The following BAIAP2L1 variants were observed in gnomAD, a reference collection of about 807,000 sequenced individuals.
BAIAP2L1 encodes BAR/IMD domain containing adaptor protein 2 like 1.
A neutral mutation model predicts 66.3 loss-of-function variants in BAIAP2L1; 35 were observed. The ratio of observed to expected loss-of-function variants is 0.53; its 90% CI spans 0.40 to 0.70. BAIAP2L1 has a LOEUF of 0.70. BAIAP2L1 is among the 30% of genes least tolerant of loss of function. The pLI is 0.00. For synonymous variants in BAIAP2L1, 269 were observed against 248.7 expected (o/e 1.08, Z -0.77); for missense variants, 622 against 656.9 (o/e 0.95, Z 0.58).
At position 98,304,288 on chromosome 7, in the gene BAIAP2L1, A is replaced by T; in HGVS notation, c.1330T>A (p.Ser444Thr). 6.2e-7 allele frequency: 1 copy of T among 1,613,676 alleles called. No individual in the cohort carries two copies. Among genetic ancestry groups the T allele is most frequent in the Non-Finnish European group, 8.5e-7 (1 of 1,179,788 alleles). ...IPPPDYLECLSMGAAADRRAD... is the reference protein window; with the variant it reads ...IPPPDYLECLTMGAAADRRAD... ...CTCCTGTCGGCAGCTGCCCCCATGGACAAGCATTCCAAGTAGTCGGGTGGG... is the reference window on the plus strand; with the variant it reads ...CTCCTGTCGGCAGCTGCCCCCATGGTCAAGCATTCCAAGTAGTCGGGTGGG... Residue 444 changes from serine (S) to threonine (T), a missense_variant, in exon 12 of 14, where the codon TCC (serine) becomes ACC (threonine). Coordinates refer to ENST00000005260, the MANE Select transcript of BAIAP2L1 (RefSeq NM_018842.5).
intron 3 of BAIAP2L1, among the ~76,000 whole-genome samples, chr7:98,341,515 C>A (rs1227430426): frequency 6.6e-6 from 1 of 152,022 alleles, no homozygotes; most frequent in Non-Finnish European, 1.5e-5. Flanking sequence ...AGACCCCCAT[C>A]TCTAAAAAAA....
chr7:98,370,647 G>A (rs1219609067), intron 1 of BAIAP2L1, among the ~76,000 whole-genome samples: 6 of 151,566 alleles, frequency 4.0e-5, no homozygotes, highest in Admixed American at 2.6e-4. Flanking sequence ...GACTACAGGC[G>A]CCCGCCACCA....
chr7:98,395,843 C>A (rs1240484077), intron 1 of BAIAP2L1, among the ~76,000 whole-genome samples: 1 of 151,984 alleles, frequency 6.6e-6, no homozygotes, highest in East Asian at 1.9e-4. Context: ...CCAGCCTGGG[C>A]AACACAGTGA....
chr7:98,333,925 T>C (rs1032093245), intron 3 of BAIAP2L1, among the ~76,000 whole-genome samples: 2 of 152,164 alleles, frequency 1.3e-5, no homozygotes, highest in Admixed American at 6.6e-5. Flanking sequence ...GGTTTAATTA[T>C]GTAAAAAGAG....
At chr7:98,386,693 GTTTTTTTT>G (rs71112150) in intron 1 of BAIAP2L1, 36 of 188,786 alleles carry the variant, frequency 1.9e-4, no homozygotes, top group East Asian at 3.8e-4. Context: ...CTTTCCAAAG[GTTTTTTTT>G]TTTTTTTTTT....
chr7:98,398,082 AAAAC>A (rs1159608366), intron 1 of BAIAP2L1, among the ~76,000 whole-genome samples: 1 of 152,208 alleles, frequency 6.6e-6, no homozygotes, highest in Non-Finnish European at 1.5e-5. Context: ...TGAGTATTTA[AAAAC>A]AAAAAACTAA....
chr7:98,306,395 A>G (rs1456191467), intron 11 of BAIAP2L1, 44 bp downstream of exon 11: 11 of 1,603,652 alleles, frequency 6.9e-6, no homozygotes, highest in Non-Finnish European at 9.4e-6. Flanking sequence ...ACGACAAGGC[A>G]GGGGTTTCTG....
chr7:98,313,351 G>A (rs747832518), intron 7 of BAIAP2L1, among the ~76,000 whole-genome samples: 5 of 152,100 alleles, frequency 3.3e-5, no homozygotes, highest in East Asian at 1.9e-4. Flanking sequence ...TACTGGGACC[G>A]ATGGTTAAGT....
chr7:98,297,200 G>A (rs1019915189), intron 12 of BAIAP2L1, among the ~76,000 whole-genome samples: 1 of 152,208 alleles, frequency 6.6e-6, no homozygotes, highest in East Asian at 1.9e-4. Context: ...CCCATCTCCC[G>A]CAAGAATCCA....
At chr7:98,393,129 A>ATGTACACACATATGTGTACATATATATG (rs1248561453) in intron 1 of BAIAP2L1, among the ~76,000 whole-genome samples, 7 of 74,714 alleles carry the variant, frequency 9.4e-5, no homozygotes, top group African/African-American at 3.4e-4. Context: ...ATATGTATAT[A>ATGTACACACATATGTGTACATATATATG]TACACACATA....
chr7:98,393,642 C>T (rs940601880), intron 1 of BAIAP2L1, among the ~76,000 whole-genome samples: 4 of 151,820 alleles, frequency 2.6e-5, no homozygotes, highest in Middle Eastern at 3.4e-3. Context: ...GGACTACAGC[C>T]TCCCGCCACC....
intron 1 of BAIAP2L1, among the ~76,000 whole-genome samples, chr7:98,367,995 G>T (rs1802427015): frequency 6.6e-6 from 1 of 152,094 alleles, no homozygotes; most frequent in Admixed American, 6.6e-5. Context: ...GTAAAATACG[G>T]AACTGTTCCA....
At position 98,334,404 on chromosome 7, in the gene BAIAP2L1, T is replaced by C. The variant is rs533530021; in HGVS notation, c.215-14106A>G. On this transcript the variant is annotated intron_variant, in intron 3 of 13. Transcript: ENST00000005260. ...AATTTTTATTTTACCTTTGAACTCA[T>C]ACTTCTAAAATATTAGTCAGTTTTT... 3.3e-5 allele frequency among the ~76,000 whole-genome samples: 5 copies of C among 152,322 alleles called. No individual in the cohort carries two copies. The East Asian group carries it at 7.7e-4, about 24-fold the overall frequency.
At chr7:98,379,564 G>A (rs1280535659) in intron 1 of BAIAP2L1, among the ~76,000 whole-genome samples, 1 of 152,140 alleles carries the variant, frequency 6.6e-6, no homozygotes, top group Non-Finnish European at 1.5e-5. Context: ...GGCTGTCTGT[G>A]AATTTTGCTT....
chr7:98,380,738 T>A (rs1802736263), intron 1 of BAIAP2L1, among the ~76,000 whole-genome samples: 1 of 31,672 alleles, frequency 3.2e-5, no homozygotes, highest in Non-Finnish European at 9.4e-5. Flanking sequence ...TCCGGTCCGT[T>A]TTTTTTTTTT....
At chr7:98,305,040 G>GTTTTT (rs1386050479) in intron 11 of BAIAP2L1, among the ~76,000 whole-genome samples, 3 of 87,150 alleles carry the variant, frequency 3.4e-5, no homozygotes, top group South Asian at 4.4e-4. Flanking sequence ...TAATTTTTTT[G>GTTTTT]TTTTTTGTTT....
At chr7:98,329,071 A>G (rs1801437626) in intron 3 of BAIAP2L1, among the ~76,000 whole-genome samples, 1 of 152,228 alleles carries the variant, frequency 6.6e-6, no homozygotes, top group Non-Finnish European at 1.5e-5. Flanking sequence ...TTGATCCATC[A>G]GAGAACACAC....
rs559417925 is a variant in BAIAP2L1 at position 98,314,416 on chromosome 7, T to C, written c.639+1044A>G. 6.6e-5 allele frequency among the ~76,000 whole-genome samples: 10 copies of C among 152,308 alleles called. No individual in the cohort carries two copies. In the South Asian group the frequency reaches 2.1e-3, roughly 32 times the overall value. The stretch of plus-strand genomic sequence containing the variant: ...AAGCTCTTGCAAAGCTTCTCCTATA[T>C]TGGAACACTCTCTAACTTTACTATG... On this transcript the variant is annotated intron_variant, in intron 7 of 13. Transcript: ENST00000005260.
At chr7:98,359,917 C>A (rs1204035060) in intron 2 of BAIAP2L1, among the ~76,000 whole-genome samples, 1 of 141,558 alleles carries the variant, frequency 7.1e-6, no homozygotes, top group Non-Finnish European at 1.6e-5. Context: ...TGCCACCATG[C>A]CCAGCTAATT....
Sources: gnomAD v4.1 joint callset for allele counts (sites outside exome capture counted in the v4.1 genomes callset) on GRCh38, gnomAD v4.1.1 for gene constraint, MANE v1.5 for transcripts, NCBI Gene and HGNC (gene_info 2026-07-23, HGNC 2026-07-21) for gene names.